CACNA1D: variants seen among roughly 807,000 people sequenced by gnomAD.
CACNA1D encodes the protein calcium voltage-gated channel subunit alpha1 D, also known as voltage-dependent L-type calcium channel subunit alpha-1D.
In CACNA1D, 55 loss-of-function variants were observed where a neutral mutation model predicts 257.1. The ratio of observed to expected loss-of-function variants is 0.21; its 90% CI spans 0.17 to 0.27. The LOEUF is 0.27. Ranked by LOEUF, CACNA1D falls within the 10% of genes least tolerant of loss-of-function variation. The pLI is 1.00. For synonymous variants in CACNA1D, 980 were observed against 1,014.9 expected (o/e 0.97, Z 0.65); for missense variants, 1,876 against 2,784.0 (o/e 0.67, Z 7.34).
chr3:53,496,361 A>G (rs1197497128), intron 1 of CACNA1D, among the ~76,000 whole-genome samples: 1 of 152,206 alleles, frequency 6.6e-6, no homozygotes, highest in Non-Finnish European at 1.5e-5. Context: ...TTAGGCCTGG[A>G]GGCCCCTGGC....
intron 3 of CACNA1D, among the ~76,000 whole-genome samples, chr3:53,542,450 T>G (rs2092318551): frequency 6.6e-6 from 1 of 151,932 alleles, no homozygotes; most frequent in Non-Finnish European, 1.5e-5. Flanking sequence ...ATGGTGGTGG[T>G]GTGGCTGTAG....
chr3:53,527,234 C>T (rs1474352356), intron 3 of CACNA1D, among the ~76,000 whole-genome samples: 5 of 151,740 alleles, frequency 3.3e-5, no homozygotes, highest in Admixed American at 2.6e-4. Context: ...CAGGGCAAGG[C>T]CTATTGCCAG....
intron 25 of CACNA1D, 56 bp downstream of exon 25, chr3:53,745,931 G>A: frequency 2.2e-6 from 3 of 1,357,334 alleles, no homozygotes; most frequent in East Asian, 2.3e-5. Context: ...CAGACTTCAA[G>A]GATTCACACA....
At chr3:53,733,934 GTGTGTGTGTGTGTGTGTGTA>G (rs1174267170) in intron 19 of CACNA1D, among the ~76,000 whole-genome samples, 8 of 132,426 alleles carry the variant, frequency 6.0e-5, no homozygotes. Flanking sequence ...GTGTGTTTGT[GTGTGTGTGTGTGTGTGTGTA>G]TGTATGTATG....
intron 7 of CACNA1D, among the ~76,000 whole-genome samples, chr3:53,672,801 TGTGTGTGTG>T (rs2094337112): frequency 6.7e-6 from 1 of 150,336 alleles, no homozygotes; most frequent in Non-Finnish European, 1.5e-5. Flanking sequence ...TGTGTGTGTG[TGTGTGTGTG>T]TGTGTGTGTA....
At chr3:53,678,390 C>T (rs2094396250) in intron 8 of CACNA1D, among the ~76,000 whole-genome samples, 2 of 152,132 alleles carry the variant, frequency 1.3e-5, no homozygotes, top group South Asian at 4.1e-4. Context: ...CAGCCCAGGT[C>T]TATAAATTCA....
At chr3:53,625,447 C>T (rs1216328025) in intron 3 of CACNA1D, among the ~76,000 whole-genome samples, 1 of 152,202 alleles carries the variant, frequency 6.6e-6, no homozygotes, top group Non-Finnish European at 1.5e-5. Flanking sequence ...ACTTCCCTCA[C>T]TGTGTTCTTG....
intron 3 of CACNA1D, among the ~76,000 whole-genome samples, chr3:53,524,240 G>A (rs2091681301): frequency 2.0e-5 from 3 of 152,218 alleles, no homozygotes; most frequent in Admixed American, 2.0e-4. Context: ...GGCAGTGGGT[G>A]GATGGAGCCC....
At chr3:53,505,122 T>TG (rs1575692903) in intron 3 of CACNA1D, among the ~76,000 whole-genome samples, 2 of 146,340 alleles carry the variant, frequency 1.4e-5, no homozygotes, top group East Asian at 3.9e-4. Flanking sequence ...TTTGTTTTTT[T>TG]TTTTTTTTTT....
At position 53,718,398 on chromosome 3, in the gene CACNA1D, G is replaced by A. The variant is rs1169352726; in HGVS notation, c.1478+10G>A. On this transcript the variant is annotated intron_variant, in intron 10 of 47. Transcript: ENST00000350061. ...GCTGTGGAAGTCTCTGGTGAGTGTG[G>A]GGAGCACTTGCCCTCTTTCCCCTCC... 4 of 1,609,954 alleles carry A rather than the reference G, an allele frequency of 2.5e-6. No homozygotes were observed. The highest frequency in any genetic ancestry group is 1.7e-4 in the Middle Eastern group (1 of 6,056).
chr3:53,594,969 A>G (rs2093352917), intron 3 of CACNA1D, among the ~76,000 whole-genome samples: 1 of 152,238 alleles, frequency 6.6e-6, no homozygotes, highest in African/African-American at 2.4e-5. Flanking sequence ...TCTATTGATC[A>G]GGCATTAGGC....
chr3:53,710,458 A>G, intron 9 of CACNA1D: 1 of 456,772 alleles, frequency 2.2e-6, no homozygotes, highest in South Asian at 1.5e-5. Context: ...TGCTTTCGGC[A>G]ACGCAGGGCT....
intron 3 of CACNA1D, among the ~76,000 whole-genome samples, chr3:53,599,157 T>C (rs1349334591): frequency 6.6e-6 from 1 of 152,224 alleles, no homozygotes; most frequent in Non-Finnish European, 1.5e-5. Flanking sequence ...CTGAATTTCA[T>C]TTTTCACATT....
chr3:53,527,920 G>A (rs1044975115), intron 3 of CACNA1D, among the ~76,000 whole-genome samples: 1 of 152,068 alleles, frequency 6.6e-6, no homozygotes, highest in African/African-American at 2.4e-5. Context: ...GCTCTCATTA[G>A]AACTTCTGGA....
chr3:53,507,187 A>G (rs2090893044), intron 3 of CACNA1D, among the ~76,000 whole-genome samples: 1 of 151,940 alleles, frequency 6.6e-6, no homozygotes, highest in South Asian at 2.1e-4. Flanking sequence ...TTTCCTAATG[A>G]TATAATGTGA....
At chr3:53,503,568 T>G (rs1052769386) in intron 3 of CACNA1D, among the ~76,000 whole-genome samples, 1 of 152,234 alleles carries the variant, frequency 6.6e-6, no homozygotes, top group Non-Finnish European at 1.5e-5. Context: ...GAATAATTAA[T>G]GTAGCTGCAT....
chr3:53,709,446 G>A (rs1285151124), intron 9 of CACNA1D, among the ~76,000 whole-genome samples: 2 of 152,190 alleles, frequency 1.3e-5, no homozygotes, highest in Non-Finnish European at 2.9e-5. Context: ...CTGTGTCTGC[G>A]TGCTCGTGTT....
chr3:53,784,639 G>A (rs886356540), intron 39 of CACNA1D, among the ~76,000 whole-genome samples: 6 of 152,164 alleles, frequency 3.9e-5, no homozygotes, highest in Admixed American at 6.5e-5. Context: ...TCTTCTTCAG[G>A]TAGAGCCAGG....
chr3:53,521,832 T>C (rs1007537113), intron 3 of CACNA1D, among the ~76,000 whole-genome samples: 1 of 151,996 alleles, frequency 6.6e-6, no homozygotes, highest in African/African-American at 2.4e-5. Context: ...TTCTCAGTCA[T>C]AAAGCTGTAT....
Sources: allele counts gnomAD v4.1 joint callset (sites outside exome capture counted in the v4.1 genomes callset), GRCh38; gene constraint gnomAD v4.1.1; transcripts MANE v1.5; gene names NCBI Gene and HGNC (gene_info 2026-07-23, HGNC 2026-07-21).